Variants in TMEM255B observed in about 807,000 individuals in gnomAD.
TMEM255B encodes family with sequence similarity 70, member B.
A neutral mutation model predicts 34.5 loss-of-function variants in TMEM255B; 35 were observed. The ratio of observed to expected loss-of-function variants is 1.01; its 90% CI spans 0.77 to 1.34. The LOEUF is 1.34. Ranked by LOEUF, TMEM255B falls within the 40% of genes most tolerant of loss-of-function variation. The pLI is 0.00. For missense variants in TMEM255B, 432 were observed against 433.2 expected, an observed-to-expected ratio of 1.00 and a Z score of 0.02; for synonymous variants, 206 against 201.2, an observed-to-expected ratio of 1.02 and a Z score of -0.20.
chr13:113,795,827 C>T (rs575485535), intron 4 of TMEM255B, among the ~76,000 whole-genome samples: 88 of 134,794 alleles, frequency 6.5e-4, no homozygotes, highest in Non-Finnish European at 1.2e-3. Flanking sequence ...ATAGCACACA[C>T]CACACAACAC....
chr13:113,804,499 C>G (rs930932453), intron 7 of TMEM255B, among the ~76,000 whole-genome samples: 2 of 152,200 alleles, frequency 1.3e-5, no homozygotes, highest in Admixed American at 6.5e-5. Flanking sequence ...GAGCGGTCAC[C>G]CAGTGTGACT....
rs1219569215 is a variant in TMEM255B at position 113,812,214 on chromosome 13, CTAT to C, written c.*318_*320del. On this transcript the variant is annotated 3_prime_UTR_variant, in exon 9 of 9. Coordinates refer to ENST00000375353, the MANE Select transcript of TMEM255B (RefSeq NM_182614.4). ...GTTTTCACATCCCTTAATTAATTAG[CTAT>C]TATTATGATTTTGCAAAGACAGTGC... 5 of 413,996 alleles carry C rather than the reference CTAT, an allele frequency of 1.2e-5. No homozygotes were observed. The highest frequency in any genetic ancestry group is 1.7e-5 in the Non-Finnish European group (4 of 232,890). The allele number at this position is 413,996 out of a possible 1,614,324, so 25.6% of individuals were successfully genotyped here.
At chr13:113,783,613 C>T (rs866589193) in intron 3 of TMEM255B, among the ~76,000 whole-genome samples, 1 of 152,122 alleles carries the variant, frequency 6.6e-6, no homozygotes, top group East Asian at 1.9e-4. Context: ...GGGCCATGAA[C>T]GCAAGCAGTG....
chr13:113,779,736 A>G (rs1177887970), intron 3 of TMEM255B, among the ~76,000 whole-genome samples: 1 of 152,226 alleles, frequency 6.6e-6, no homozygotes, highest in African/African-American at 2.4e-5. Context: ...GTGGGGAAAA[A>G]GGAAAAATTG....
intron 3 of TMEM255B, among the ~76,000 whole-genome samples, chr13:113,776,819 G>A (rs1198974273): frequency 6.6e-5 from 10 of 152,116 alleles, no homozygotes; most frequent in African/African-American, 9.7e-5. Flanking sequence ...TGGTGCTGAC[G>A]CCCTGGTGAG....
chr13:113,765,881 A>G (rs938279375), intron 1 of TMEM255B, among the ~76,000 whole-genome samples: 1 of 152,242 alleles, frequency 6.6e-6, no homozygotes, highest in Non-Finnish European at 1.5e-5. Context: ...TGTGACAGTT[A>G]GAATTAGGTT....
intron 3 of TMEM255B, among the ~76,000 whole-genome samples, chr13:113,782,165 C>A (rs2050674276): frequency 6.6e-6 from 1 of 152,072 alleles, no homozygotes; most frequent in African/African-American, 2.4e-5. Flanking sequence ...AGTTTTGTAA[C>A]TTTCTTTATA....
chr13:113,802,207 A>C (rs945347338), intron 7 of TMEM255B, among the ~76,000 whole-genome samples: 21 of 152,182 alleles, frequency 1.4e-4, no homozygotes, highest in African/African-American at 5.1e-4. Flanking sequence ...GGCGAGACCC[A>C]TACAGCCAGG....
At chr13:113,808,798 GGGGGTT>G (rs2051238226) in intron 8 of TMEM255B, among the ~76,000 whole-genome samples, 1 of 96,904 alleles carries the variant, frequency 1.0e-5, no homozygotes, top group Non-Finnish European at 2.0e-5. Context: ...TTCCTGGGGG[GGGGGTT>G]ACTCCATGTT....
rs200157233 is a variant in TMEM255B at position 113,812,942 on chromosome 13, C to CAGGCATCCCGAGT, written c.*1039_*1040insAGGCATCCCGAGT. The CAGGCATCCCGAGT allele has an allele frequency of 3.6e-4, 51 of 142,938 alleles. 4 individuals carry two copies. The highest frequency in any genetic ancestry group is 1.3e-3 in the African/African-American group (48 of 36,396). The allele number at this position is 142,938 out of a possible 1,614,324, so 8.9% of individuals were successfully genotyped here. A position where few individuals can be genotyped will look rare whatever the true frequency, so the allele number is the denominator to read the frequency against. On this transcript the variant is annotated 3_prime_UTR_variant, in exon 9 of 9. Coordinates refer to ENST00000375353, the MANE Select transcript of TMEM255B (RefSeq NM_182614.4). ...TGAGTCACGGGTCCCGGGTGGGTCACGGGTCCCGGGTGGGTCACGGGCCCC... is the reference window on the plus strand; with the variant it reads ...TGAGTCACGGGTCCCGGGTGGGTCACAGGCATCCCGAGTGGGTCCCGGGTGGGTCACGGGCCCC...
At chr13:113,795,387 A>G in intron 4 of TMEM255B, 150 bp downstream of exon 4, 2 of 763,212 alleles carry the variant, frequency 2.6e-6, no homozygotes, top group Non-Finnish European at 4.3e-6. Context: ...CTCTCCTCTC[A>G]GTAAGTCTCA....
intron 8 of TMEM255B, among the ~76,000 whole-genome samples, chr13:113,805,957 A>C (rs2051163292): frequency 7.2e-5 from 11 of 152,192 alleles, no homozygotes. Flanking sequence ...ATGAAGCTGC[A>C]GATTAAAGCA....
Position 113,814,839 on chromosome 13 carries a change from G to A in TMEM255B, c.*2936G>A, listed in dbSNP as rs910181567. The A allele has an allele frequency of 6.6e-6, 1 of 151,636 alleles. No individual in the cohort carries two copies. The highest frequency in any genetic ancestry group is 1.5e-5 in the Non-Finnish European group (1 of 67,938). The allele number at this position is 151,636 out of a possible 1,614,324, so 9.4% of individuals were successfully genotyped here. On this transcript the variant is annotated 3_prime_UTR_variant, in exon 9 of 9. Transcript: ENST00000375353. The stretch of plus-strand genomic sequence containing the variant: ...AGACCCTGGAGGCCGCGGGAGATGG[G>A]GTGGAGGGGATGGTGGGGCAGGGGG...
At chr13:113,766,438 G>A (rs1228264331) in intron 2 of TMEM255B, 181 bp downstream of exon 2, 1 of 884,606 alleles carries the variant, frequency 1.1e-6, no homozygotes, top group African/African-American at 1.6e-5. Context: ...CAGGACCTGG[G>A]ACAGTGGCAG....
chr13:113,786,518 ATTG>A (rs1226502557), intron 3 of TMEM255B, among the ~76,000 whole-genome samples: 1 of 118,138 alleles, frequency 8.5e-6, no homozygotes, highest in East Asian at 4.3e-4. Flanking sequence ...CATCATCACC[ATTG>A]TCACCACTGT....
intron 3 of TMEM255B, among the ~76,000 whole-genome samples, chr13:113,785,009 T>G (rs2050719757): frequency 6.6e-6 from 1 of 150,570 alleles, no homozygotes; most frequent in Non-Finnish European, 1.5e-5. Flanking sequence ...CTCTCTTATA[T>G]AAGGGTATTT....
Position 113,800,102 on chromosome 13 carries a change from G to C in TMEM255B, c.423+683G>C. 2.6e-6 allele frequency: 3 copies of C among 1,169,126 alleles called. No homozygotes were observed. In the South Asian group the frequency reaches 4.8e-5, roughly 19 times the overall value. The allele number at this position is 1,169,126 out of a possible 1,614,324, so 72.4% of individuals were successfully genotyped here. ...TGTTTATGTGTGTGTGTGTGGGGGG[G>C]GGTAGGCAGGAGGCGTCCCGTGTGT... On this transcript the variant is annotated intron_variant, in intron 5 of 8. Transcript: ENST00000375353.
chr13:113,766,564 G>A (rs541906965), intron 2 of TMEM255B: 3 of 438,648 alleles, frequency 6.8e-6, no homozygotes, highest in Non-Finnish European at 1.3e-5. Flanking sequence ...AGGGCAGGAG[G>A]GGGGCCAGAG....
chr13:113,791,104 T>C (rs188395416), intron 3 of TMEM255B, among the ~76,000 whole-genome samples: 1 of 152,162 alleles, frequency 6.6e-6, no homozygotes, highest in Non-Finnish European at 1.5e-5. Flanking sequence ...TGGGTGAAAT[T>C]GGGTGGGGGT....
Sources: gnomAD v4.1 joint callset for allele counts (sites outside exome capture counted in the v4.1 genomes callset) on GRCh38, gnomAD v4.1.1 for gene constraint, MANE v1.5 for transcripts, NCBI Gene and HGNC (gene_info 2026-07-23, HGNC 2026-07-21) for gene names.